OSBPL8: variants seen among roughly 807,000 people sequenced by gnomAD.
OSBPL8 encodes oxysterol-binding protein-related protein 8.
Under a neutral mutation model 125.5 loss-of-function variants are expected in OSBPL8, and 59 were observed. The observed-to-expected ratio is 0.47, with a 90% CI of 0.38 to 0.58. The LOEUF (loss-of-function observed/expected upper bound fraction) is 0.58, where lower values mean the gene tolerates loss of function less well. Among genes scored for constraint, OSBPL8 ranks in the 20% least tolerant of loss-of-function variants. The pLI is 0.00. For missense variants in OSBPL8, 758 were observed against 1,047.8 expected (o/e 0.72, Z 3.82); for synonymous variants, 330 against 338.9 (o/e 0.97, Z 0.29).
intron 9 of OSBPL8, among the ~76,000 whole-genome samples, chr12:76,394,177 A>G (rs1162613214): frequency 6.6e-6 from 1 of 152,202 alleles, no homozygotes; most frequent in Non-Finnish European, 1.5e-5. Flanking sequence ...AGTTACCTTG[A>G]TATCATTTAA....
rs1951907863 is a variant in OSBPL8 at position 76,354,162 on chromosome 12, A to G, written c.*1727T>C. ...GTGAATACAAAAATTATATTGACAA[A>G]TATAAAATATAACCAAAAACCCATT... is the stretch of plus-strand genomic sequence containing the variant. On this transcript the variant is annotated 3_prime_UTR_variant, in exon 24 of 24. Coordinates refer to ENST00000261183, the MANE Select transcript of OSBPL8 (RefSeq NM_020841.5). 1 of 152,412 alleles carries G rather than the reference A, an allele frequency of 6.6e-6. No homozygotes were observed. Among genetic ancestry groups the G allele is most frequent in the Non-Finnish European group, 1.5e-5 (1 of 67,832 alleles). The allele number at this position is 152,412 out of a possible 1,614,324, so 9.4% of individuals were successfully genotyped here.
At position 76,451,477 on chromosome 12, in the gene OSBPL8, C is replaced by T. The variant is rs112512713; in HGVS notation, c.80-489G>A. Among the ~76,000 whole-genome samples, 788 of 152,196 alleles carry T rather than the reference C, an allele frequency of 5.2e-3. 9 individuals carry two copies. Among genetic ancestry groups the T allele is most frequent in the African/African-American group, 0.018 (748 of 41,512 alleles). On this transcript the variant is annotated intron_variant, in intron 3 of 23. Coordinates refer to ENST00000261183, the MANE Select transcript of OSBPL8 (RefSeq NM_020841.5). ...TTTCTACTCTAATTTCTAATTTTCA[C>T]GAAAAGTCGGTATGATAACTGTTTT...
chr12:76,405,627 C>T (rs1399596720), intron 5 of OSBPL8, among the ~76,000 whole-genome samples: 2 of 152,156 alleles, frequency 1.3e-5, no homozygotes, highest in African/African-American at 4.8e-5. Flanking sequence ...GAATCTCTGC[C>T]ATAACGTGCA....
chr12:76,361,032 A>C (rs1048442351), intron 21 of OSBPL8, among the ~76,000 whole-genome samples: 1 of 152,138 alleles, frequency 6.6e-6, no homozygotes. Flanking sequence ...TACTAATGCA[A>C]ATTTCTGCAG....
chr12:76,358,370 C>CG (rs1952069083), intron 22 of OSBPL8, among the ~76,000 whole-genome samples: 1 of 151,794 alleles, frequency 6.6e-6, no homozygotes, highest in Non-Finnish European at 1.5e-5. Flanking sequence ...TTAGTAGAGA[C>CG]GGGGTTTCCC....
chr12:76,527,343 A>G (rs780009592), intron 1 of OSBPL8, among the ~76,000 whole-genome samples: 3 of 152,210 alleles, frequency 2.0e-5, no homozygotes, highest in Non-Finnish European at 2.9e-5. Flanking sequence ...TTCAACTTCA[A>G]TTAAAACCCT....
chr12:76,476,595 A>G (rs1876835361), intron 2 of OSBPL8, among the ~76,000 whole-genome samples: 1 of 152,202 alleles, frequency 6.6e-6, no homozygotes, highest in Non-Finnish European at 1.5e-5. Flanking sequence ...AGAAGTCATC[A>G]GGAAGAAAAA....
intron 6 of OSBPL8, among the ~76,000 whole-genome samples, chr12:76,402,135 C>CA (rs1954075322): frequency 6.6e-6 from 1 of 152,084 alleles, no homozygotes; most frequent in Non-Finnish European, 1.5e-5. Context: ...GCATGGAACA[C>CA]AAATGGTAAA....
intron 12 of OSBPL8, among the ~76,000 whole-genome samples, chr12:76,388,940 C>T (rs1006532506): frequency 6.6e-6 from 1 of 151,950 alleles, no homozygotes; most frequent in Non-Finnish European, 1.5e-5. Flanking sequence ...GGTCGCAGGG[C>T]CAGATATCAG....
chr12:76,454,234 T>C (rs1276700245), intron 3 of OSBPL8, among the ~76,000 whole-genome samples: 1 of 152,202 alleles, frequency 6.6e-6, no homozygotes, highest in Admixed American at 6.5e-5. Context: ...AGAATGTTCA[T>C]AGCAACACTG....
At chr12:76,494,064 G>C (rs989786739) in intron 1 of OSBPL8, among the ~76,000 whole-genome samples, 22 of 152,006 alleles carry the variant, frequency 1.4e-4, no homozygotes, top group Non-Finnish European at 2.4e-4. Flanking sequence ...TCATTGAGTT[G>C]TCTGTGTTCT....
rs182644658 is a variant in OSBPL8, at chr12:76,459,367, T to C, written c.79+492A>G. On this transcript the variant is annotated intron_variant, in intron 3 of 23. Coordinates refer to ENST00000261183, the MANE Select transcript of OSBPL8 (RefSeq NM_020841.5). ...TCTCAGTAAAATGTGTTGAGGTGAA[T>C]TGGATATAATTTTCAAGGATACATC... is the stretch of plus-strand genomic sequence containing the variant. 2.2e-3 allele frequency among the ~76,000 whole-genome samples: 336 copies of C among 152,296 alleles called. 1 individual carries two copies. Among genetic ancestry groups the C allele is most frequent in the South Asian group, 0.014 (67 of 4,826 alleles).
At chr12:76,394,835 A>C in intron 8 of OSBPL8, 106 bp from the exon 9 acceptor site, 1 of 767,282 alleles carries the variant, frequency 1.3e-6, no homozygotes. Context: ...GGTATGGATT[A>C]TAATCTAAAG....
chr12:76,549,054 C>T (rs1950864940), intron 1 of OSBPL8, among the ~76,000 whole-genome samples: 1 of 151,436 alleles, frequency 6.6e-6, no homozygotes, highest in Admixed American at 6.6e-5. Context: ...AAGAGAACAA[C>T]AAAACTTACA....
At chr12:76,534,209 A>T (rs901046894) in intron 1 of OSBPL8, 7 of 152,234 alleles carry the variant, frequency 4.6e-5, no homozygotes, top group African/African-American at 1.7e-4. Flanking sequence ...CACACACTAT[A>T]GTTTGGCAAC....
At chr12:76,497,699 G>A (rs544874061) in intron 1 of OSBPL8, among the ~76,000 whole-genome samples, 1 of 152,256 alleles carries the variant, frequency 6.6e-6, no homozygotes, top group East Asian at 1.9e-4. Context: ...TAAAGCCTAG[G>A]CAGCTTATGT....
chr12:76,410,736 A>C, intron 4 of OSBPL8, 102 bp from the exon 5 acceptor site: 1 of 756,354 alleles, frequency 1.3e-6, no homozygotes, highest in South Asian at 1.6e-5. Flanking sequence ...TCAGTGCAGG[A>C]AGCCTGTACA....
At chr12:76,441,385 G>A (rs1872163656) in intron 4 of OSBPL8, among the ~76,000 whole-genome samples, 1 of 152,050 alleles carries the variant, frequency 6.6e-6, no homozygotes, top group South Asian at 2.1e-4. Flanking sequence ...CTATGAAGCT[G>A]TTTACTTTCT....
chr12:76,532,404 C>T (rs185721353), intron 1 of OSBPL8, among the ~76,000 whole-genome samples: 11 of 152,204 alleles, frequency 7.2e-5, no homozygotes, highest in Admixed American at 3.9e-4. Context: ...CATCTCCCTT[C>T]GTCACACACT....
Sources: allele counts gnomAD v4.1 joint callset (sites outside exome capture counted in the v4.1 genomes callset), GRCh38; gene constraint gnomAD v4.1.1; transcripts MANE v1.5; gene names NCBI Gene and HGNC (gene_info 2026-07-23, HGNC 2026-07-21).